The following ACADS variants were observed in gnomAD, a reference collection of about 807,000 sequenced individuals.
The protein encoded by ACADS is short-chain specific acyl-CoA dehydrogenase, mitochondrial.
Under a neutral mutation model 46.8 loss-of-function variants are expected in ACADS, and 28 were observed. The ratio of observed to expected loss-of-function variants is 0.60; its 90% CI spans 0.44 to 0.82. The LOEUF is 0.82. ACADS is among the 40% of genes least tolerant of loss of function. ACADS has a pLI of 0.00. For missense variants in ACADS, 528 were observed against 578.0 expected (o/e 0.91, Z 0.89); for synonymous variants, 236 against 237.7 (o/e 0.99, Z 0.07).
Position 120,737,643 on chromosome 12 carries a change from C to T in ACADS, c.472+176C>T, listed in dbSNP as rs1039654841. On this transcript the variant is annotated intron_variant, in intron 4 of 9. Coordinates refer to ENST00000242592, the MANE Select transcript of ACADS (RefSeq NM_000017.4). ...GGGAGGAAGATTGCCTTCGGGGTCC[C>T]CTGGTTTAAGACGCCAGCTCCTGCA... 1.6e-5 allele frequency: 17 copies of T among 1,072,610 alleles called. No homozygotes were observed. The African/African-American group carries it at 1.9e-4, about 12-fold the overall frequency. The allele number at this position is 1,072,610 out of a possible 1,614,324, so 66.4% of individuals were successfully genotyped here.
At chr12:120,737,796 TG>T in intron 4 of ACADS, 40 bp from the exon 5 acceptor site, 1 of 1,612,082 alleles carries the variant, frequency 6.2e-7, no homozygotes, top group Non-Finnish European at 8.5e-7. Flanking sequence ...TTAGGTTGTG[TG>T]GGGTGGGGCG....
At position 120,726,172 on chromosome 12, in the gene ACADS, G is replaced by A. The variant is rs79620664; in HGVS notation, c.46+241G>A. ...ACCCCAGCCACCAGCCCAGTTCCCA[G>A]TTCCCATATCTCCCTCCCTTCATTT... On this transcript the variant is annotated intron_variant, in intron 1 of 9. Coordinates refer to ENST00000242592, the MANE Select transcript of ACADS (RefSeq NM_000017.4). Among the ~76,000 whole-genome samples, 758 of 151,470 alleles carry A rather than the reference G, an allele frequency of 5.0e-3. 6 individuals are homozygous for A. Among genetic ancestry groups the A allele is most frequent in the African/African-American group, 0.018 (733 of 41,310 alleles).
chr12:120,731,128 T>C (rs985025226), intron 2 of ACADS, among the ~76,000 whole-genome samples: 1 of 152,106 alleles, frequency 6.6e-6, no homozygotes, highest in Non-Finnish European at 1.5e-5. Flanking sequence ...CATTTATTTT[T>C]ATTTTTATAA....
chr12:120,733,234 G>T (rs113979967), intron 2 of ACADS, among the ~76,000 whole-genome samples: 5,108 of 151,140 alleles, frequency 0.034, 71 homozygotes, highest in South Asian at 0.061. Flanking sequence ...GAGGGAGACC[G>T]GGGGGAGAGG....
At chr12:120,732,311 T>C (rs1883275160) in intron 2 of ACADS, among the ~76,000 whole-genome samples, 2 of 148,626 alleles carry the variant, frequency 1.3e-5, no homozygotes, top group Non-Finnish European at 1.5e-5. Flanking sequence ...GGGCGGGGGC[T>C]GCCCCCAACC....
Position 120,739,510 on chromosome 12 carries a change from C to T in ACADS, c.*62C>T, listed in dbSNP as rs1418806984. On this transcript the variant is annotated 3_prime_UTR_variant, in exon 10 of 10. Transcript: ENST00000242592. ...CGGGAGCCAGGGGCCTCCACCCCAA[C>T]CCCGGCTCAGAGACTGGGCGGCCCG... The T allele has an allele frequency of 2.5e-6, 4 of 1,576,178 alleles. No homozygotes were observed. The highest frequency in any genetic ancestry group is 2.7e-5 in the African/African-American group (2 of 74,518).
intron 2 of ACADS, among the ~76,000 whole-genome samples, chr12:120,729,057 T>C (rs548945728): frequency 1.3e-5 from 2 of 152,020 alleles, no homozygotes; most frequent in African/African-American, 4.8e-5. Flanking sequence ...GAACCAAGAG[T>C]GACCATTGCA....
At position 120,738,876 on chromosome 12, in the gene ACADS, C is replaced by T. The variant is rs3915; in HGVS notation, c.990C>T (p.Arg330=). The change falls in exon 8 of 10, where the codon CGC becomes CGT. Residue 330 remains arginine, a synonymous_variant. Transcript: ENST00000242592. ...ALESARLLTW[R]AAMLKDNKKP... The stretch of plus-strand genomic sequence containing the variant: ...AGAGTGCCCGGCTGCTGACCTGGCG[C>T]GCTGCCATGCTGAAGGATAACAAGA... 782,575 of 1,613,652 alleles carry T rather than the reference C, an allele frequency of 0.48. 200,119 individuals carry two copies. Among genetic ancestry groups the T allele is most frequent in the African/African-American group, 0.89 (67,128 of 75,034 alleles).
chr12:120,735,365 A>C (rs1280406246), intron 2 of ACADS, among the ~76,000 whole-genome samples: 2 of 150,040 alleles, frequency 1.3e-5, no homozygotes, highest in East Asian at 2.0e-4. Context: ...AAAAAAAAAA[A>C]AAAAAAAAAC....
In ACADS at chr12:120,737,025, G is replaced by A. The variant is rs751283667; in HGVS notation, c.250G>A (p.Val84Met). 36 of 1,610,650 alleles carry A rather than the reference G, an allele frequency of 2.2e-5. No individual in the cohort carries two copies. The highest frequency in any genetic ancestry group is 2.6e-5 in the Non-Finnish European group (31 of 1,178,922). Residue 84 changes from valine (V) to methionine (M), a missense_variant, in exon 3 of 10, where the codon GTG becomes ATG. Transcript: ENST00000242592. ...CGGGCTTGGGCTTCTGGCCATGGAC[G>A]TGCCCGAGGAGCTTGGCGGTGCTGG... Reference protein sequence around the residue: ...MGGLGLLAMDVPEELGGAGLD... With the variant: ...MGGLGLLAMDMPEELGGAGLD...
rs202193021 is a variant in ACADS at position 120,727,126 on chromosome 12, C to G, written c.147C>G (p.Ala49=). Residue 49 remains alanine (A), a synonymous_variant, in exon 2 of 10, where the codon GCC becomes GCG. Transcript: ENST00000242592. ...QMLLQTCRDF[A]EKELFPIAAQ... ...TGCTCCAGACATGCCGGGACTTTGCCGAGAAGGAGTTGTTTCCCATTGCAG... is the reference window on the plus strand; with the variant it reads ...TGCTCCAGACATGCCGGGACTTTGCGGAGAAGGAGTTGTTTCCCATTGCAG... 82 of 1,614,166 alleles carry G rather than the reference C, an allele frequency of 5.1e-5. No individual in the cohort carries two copies. The East Asian group carries it at 1.7e-3, about 33-fold the overall frequency.
Position 120,739,178 on chromosome 12 carries a change from G to A in ACADS, c.1068G>A (p.Ala356=), listed in dbSNP as rs377559470. The A allele has an allele frequency of 1.1e-5, 18 of 1,612,894 alleles. No individual in the cohort carries two copies. In the African/African-American group the frequency reaches 1.5e-4, roughly 13 times the overall value. ...AMAKLAASEA[A]TAISHQAIQI... ...CCAAGCTGGCCGCCTCGGAGGCCGCGACCGCCATCAGCCACCAGGTGAGTG... is the reference window on the plus strand; with the variant it reads ...CCAAGCTGGCCGCCTCGGAGGCCGCAACCGCCATCAGCCACCAGGTGAGTG... Residue 356 remains alanine, a synonymous_variant, in exon 9 of 10, where the codon GCG becomes GCA. Coordinates refer to ENST00000242592, the MANE Select transcript of ACADS (RefSeq NM_000017.4).
Position 120,732,591 on chromosome 12 carries a change from G to A in ACADS, c.211-4395G>A, listed in dbSNP as rs540599782. 1.1e-4 allele frequency among the ~76,000 whole-genome samples: 16 copies of A among 150,602 alleles called. No homozygotes were observed. The East Asian group carries it at 2.8e-3, about 26-fold the overall frequency. Reference sequence around the variant, plus strand: ...CTCCTCAGTTCCCAGACGGGGTCGCGGCCGGGCAGAGGCGCTCCTCACATC... The same window carrying A: ...CTCCTCAGTTCCCAGACGGGGTCGCAGCCGGGCAGAGGCGCTCCTCACATC... On this transcript the variant is annotated intron_variant, in intron 2 of 9. Coordinates refer to ENST00000242592, the MANE Select transcript of ACADS (RefSeq NM_000017.4).
Position 120,737,229 on chromosome 12 carries a change from T to C in ACADS, c.360+94T>C, listed in dbSNP as rs369198779. 4.6e-5 allele frequency: 70 copies of C among 1,535,806 alleles called. 2 individuals carry two copies. The African/African-American group carries it at 4.9e-4, about 11-fold the overall frequency. On this transcript the variant is annotated intron_variant, in intron 3 of 9. Coordinates refer to ENST00000242592, the MANE Select transcript of ACADS (RefSeq NM_000017.4). ...CCTCGGCTCCCAGCCCTGATCTCTCTGGAGACGTCACAGGCCTTGGTCCTA... is the reference window on the plus strand; with the variant it reads ...CCTCGGCTCCCAGCCCTGATCTCTCCGGAGACGTCACAGGCCTTGGTCCTA...
rs1883499847 is a variant in ACADS, at chr12:120,737,639, G to A, written c.472+172G>A. 24 of 1,058,156 alleles carry A rather than the reference G, an allele frequency of 2.3e-5. No homozygotes were observed. The South Asian group carries it at 3.4e-4, about 15-fold the overall frequency. 65.5% of individuals were successfully genotyped at this position (1,058,156 alleles called of 1,614,324 possible). ...CGCTGGGAGGAAGATTGCCTTCGGG[G>A]TCCCCTGGTTTAAGACGCCAGCTCC... On this transcript the variant is annotated intron_variant, in intron 4 of 9. Transcript: ENST00000242592.
At chr12:120,730,048 T>C (rs544134360) in intron 2 of ACADS, among the ~76,000 whole-genome samples, 11 of 152,250 alleles carry the variant, frequency 7.2e-5, no homozygotes, top group African/African-American at 2.6e-4. Flanking sequence ...AGTGGTGCGA[T>C]CTCGGCTCAC....
In ACADS at chr12:120,737,967, G is replaced by A. The variant is rs1478628612; in HGVS notation, c.603G>A (p.Thr201=). The change falls in exon 5 of 10, where the codon ACG becomes ACA. Residue 201 remains threonine, a synonymous_variant. Coordinates refer to ENST00000242592, the MANE Select transcript of ACADS (RefSeq NM_000017.4). ...CGGCTGCCGTGGTCTTTGCCAGCAC[G>A]GACAGAGCCCTGCAAAACAAGGTGG... ...EASAAVVFAS[T]DRALQNKGIS... 13 of 1,614,034 alleles carry A rather than the reference G, an allele frequency of 8.1e-6. No individual in the cohort carries two copies. Among genetic ancestry groups the A allele is most frequent in the African/African-American group, 1.3e-5 (1 of 75,044 alleles).
Position 120,735,339 on chromosome 12 carries a change from C to T in ACADS, c.211-1647C>T, listed in dbSNP as rs572809788. Among the ~76,000 whole-genome samples the T allele has an allele frequency of 1.4e-3, 169 of 123,844 alleles. 3 individuals are homozygous for T. Among genetic ancestry groups the T allele is most frequent in the Admixed American group, 0.013 (142 of 10,942 alleles). The allele number at this position is 123,844 out of a possible 152,430, so 81.2% of individuals were successfully genotyped here. ...GGGATTACAGGTGTGAGTCACTGTG[C>T]GCAGTCCTTAAAAAAAAAAAAAAAA... On this transcript the variant is annotated intron_variant, in intron 2 of 9. Coordinates refer to ENST00000242592, the MANE Select transcript of ACADS (RefSeq NM_000017.4).
chr12:120,731,622 T>G (rs891028984), intron 2 of ACADS, among the ~76,000 whole-genome samples: 1 of 150,848 alleles, frequency 6.6e-6, no homozygotes, highest in Non-Finnish European at 1.5e-5. Flanking sequence ...GCCTGGCTAA[T>G]TCTTGTATTT....
Sources: gnomAD v4.1 joint callset for allele counts (sites outside exome capture counted in the v4.1 genomes callset) on GRCh38, gnomAD v4.1.1 for gene constraint, MANE v1.5 for transcripts, NCBI Gene and HGNC (gene_info 2026-07-23, HGNC 2026-07-21) for gene names.